MED15: variants seen among roughly 807,000 people sequenced by gnomAD.
MED15 encodes mediator of RNA polymerase II transcription subunit 15.
In MED15, 41 loss-of-function variants were observed where a neutral mutation model predicts 118.7. The ratio of observed to expected loss-of-function variants is 0.35; its 90% CI spans 0.27 to 0.45. The LOEUF (loss-of-function observed/expected upper bound fraction) is 0.45. Ranked by LOEUF, MED15 falls within the 20% of genes least tolerant of loss-of-function variation. The probability of loss-of-function intolerance (pLI) is 1.00; values close to 1 mark genes in which losing one functional copy is unlikely to be tolerated. For synonymous variants in MED15, 436 were observed against 413.9 expected, an observed-to-expected ratio of 1.05 and a Z score of -0.65; for missense variants, 740 against 1,025.5, an observed-to-expected ratio of 0.72 and a Z score of 3.80.
intron 1 of MED15, among the ~76,000 whole-genome samples, chr22:20,516,670 C>A (rs1019572733): frequency 6.7e-6 from 1 of 149,154 alleles, no homozygotes; most frequent in Non-Finnish European, 1.5e-5. Context: ...GTAGGAAGGA[C>A]CATGACCACG....
At chr22:20,564,801 C>T in intron 6 of MED15, 113 bp downstream of exon 6, 3 of 1,522,984 alleles carry the variant, frequency 2.0e-6, no homozygotes, top group Non-Finnish European at 1.8e-6. Flanking sequence ...GTTCTCTTGA[C>T]ACGTGTGCCT....
chr22:20,585,241 G>A lies in MED15; in HGVS notation c.2105G>A (p.Gly702Asp), dbSNP rs751255731. The A allele has an allele frequency of 1.2e-6, 2 of 1,613,508 alleles. No individual in the cohort carries two copies. Among genetic ancestry groups the A allele is most frequent in the African/African-American group, 1.3e-5 (1 of 74,920 alleles). The change falls in exon 16 of 18, where the codon GGC becomes GAC. Residue 702 changes from glycine to aspartate, a missense_variant. By Grantham distance (94) the Gly-to-Asp change is moderately conservative. Around this residue, in one of 7 missense-constraint regions of MED15, gnomAD observed 179 missense variants for 259.0 expected, o/e 0.69. Coordinates refer to ENST00000263205, the MANE Select transcript of MED15 (RefSeq NM_001003891.3). ...NLDPSHCSNNGTVHLICKLDD... is the reference protein window; with the variant it reads ...NLDPSHCSNNDTVHLICKLDD... ...GACCCTTCTCACTGCAGCAACAATG[G>A]CACTGTCCACCTGATCTGCAAGCTG...
chr22:20,543,629 C>T (rs2055409901), intron 2 of MED15, among the ~76,000 whole-genome samples: 3 of 150,940 alleles, frequency 2.0e-5, no homozygotes, highest in African/African-American at 7.3e-5. Context: ...GCGATCTCGG[C>T]TCATTGCAAC....
At chr22:20,550,951 G>C in intron 2 of MED15, 2 of 355,376 alleles carry the variant, frequency 5.6e-6, no homozygotes, top group Non-Finnish European at 1.1e-5. Flanking sequence ...GGGCCGCCCA[G>C]ATTTTCAGCA....
At chr22:20,559,615 G>A (rs1441612505) in intron 5 of MED15, among the ~76,000 whole-genome samples, 1 of 152,204 alleles carries the variant, frequency 6.6e-6, no homozygotes, top group Non-Finnish European at 1.5e-5. Context: ...CTTAGAAATA[G>A]GCAGTTCCTG....
At chr22:20,521,449 T>A (rs1035387969) in intron 1 of MED15, among the ~76,000 whole-genome samples, 12 of 150,006 alleles carry the variant, frequency 8.0e-5, no homozygotes, top group Non-Finnish European at 1.6e-4. Flanking sequence ...TAGGCTGGAG[T>A]ACAGTGGCGT....
intron 2 of MED15, among the ~76,000 whole-genome samples, chr22:20,537,996 A>C (rs2055146356): frequency 6.6e-6 from 1 of 152,224 alleles, no homozygotes. Flanking sequence ...ACGTTTGATA[A>C]GCTTTTTCTT....
chr22:20,577,123 C>A (rs2056845884), intron 9 of MED15, among the ~76,000 whole-genome samples: 1 of 152,180 alleles, frequency 6.6e-6, no homozygotes, highest in Admixed American at 6.5e-5. Flanking sequence ...AAGAGTGCCC[C>A]CAGGGAGCCA....
Position 20,575,192 on chromosome 22 carries a change from C to T in MED15, c.1232C>T (p.Pro411Leu), listed in dbSNP as rs887685998. The part of the protein sequence containing the change: ...FPPTTAVSAI[P>L]SSSIPLGRQP... Reference sequence around the variant, plus strand: ...CCTACCACCGCTGTGTCCGCCATCCCGTCAAGCTCCATCCCTTTGGGCAGA... The same window carrying T: ...CCTACCACCGCTGTGTCCGCCATCCTGTCAAGCTCCATCCCTTTGGGCAGA... The change falls in exon 9 of 18, where the codon CCG becomes CTG. Residue 411 changes from proline (P) to leucine (L), a missense_variant. By Grantham distance (98) the Pro-to-Leu change is moderately conservative (BLOSUM62 -3). Coordinates refer to ENST00000263205, the MANE Select transcript of MED15 (RefSeq NM_001003891.3). 9.3e-6 allele frequency: 15 copies of T among 1,614,014 alleles called. No individual in the cohort carries two copies. The highest frequency in any genetic ancestry group is 3.3e-5 in the Admixed American group (2 of 60,014).
intron 1 of MED15, chr22:20,508,362 A>G: frequency 3.1e-6 from 4 of 1,304,262 alleles, no homozygotes; most frequent in South Asian, 1.2e-5. Context: ...GAGGAACTCT[A>G]GCCCCTCACC....
intron 6 of MED15, among the ~76,000 whole-genome samples, chr22:20,565,869 C>A (rs2056417665): frequency 1.3e-5 from 2 of 151,838 alleles, no homozygotes; most frequent in Admixed American, 1.3e-4. Flanking sequence ...GCCCTTTGAA[C>A]CATCCTAGTG....
intron 1 of MED15, among the ~76,000 whole-genome samples, chr22:20,534,598 G>A (rs778173019): frequency 6.6e-6 from 1 of 152,146 alleles, no homozygotes; most frequent in Non-Finnish European, 1.5e-5. Flanking sequence ...TGCCTTGAGG[G>A]GCACAGATGA....
At chr22:20,550,493 C>T (rs892585175) in intron 2 of MED15, among the ~76,000 whole-genome samples, 1 of 152,268 alleles carries the variant, frequency 6.6e-6, no homozygotes, top group Admixed American at 6.5e-5. Context: ...CACTTTTCAT[C>T]ATCCTTCCCT....
intron 1 of MED15, among the ~76,000 whole-genome samples, chr22:20,524,942 G>T (rs1024263491): frequency 6.6e-6 from 1 of 152,066 alleles, no homozygotes; most frequent in Non-Finnish European, 1.5e-5. Context: ...CGCTCCTGGG[G>T]GTCCAAATTG....
In MED15 at chr22:20,540,100, G is replaced by T. The variant is rs376577375; in HGVS notation, c.156+2896G>T. On this transcript the variant is annotated intron_variant, in intron 2 of 17. Coordinates refer to ENST00000263205, the MANE Select transcript of MED15 (RefSeq NM_001003891.3). The stretch of plus-strand genomic sequence containing the variant: ...GTGCAGTGGAAGTGGAGGGATGCAG[G>T]GGGTGTTAGTGATGCATTGTAATCA... Among the ~76,000 whole-genome samples, 12 of 152,106 alleles carry T rather than the reference G, an allele frequency of 7.9e-5. No individual in the cohort carries two copies. The South Asian group carries it at 2.5e-3, about 32-fold the overall frequency.
At chr22:20,582,785 T>C (rs752013431) in intron 10 of MED15, 38 bp downstream of exon 10, 2 of 1,581,860 alleles carry the variant, frequency 1.3e-6, no homozygotes, top group East Asian at 2.3e-5. Context: ...CACCTGGCCC[T>C]CGAGGCTGGC....
Position 20,546,714 on chromosome 22 carries a change from C to T in MED15, c.157-4722C>T, listed in dbSNP as rs192611582. 3.9e-4 allele frequency among the ~76,000 whole-genome samples: 59 copies of T among 152,108 alleles called. 1 individual carries two copies. Among genetic ancestry groups the T allele is most frequent in the Middle Eastern group, 3.4e-3 (1 of 294 alleles). Reference sequence around the variant, plus strand: ...GTATCTGGGGTGTTCTGGTCCATTGCTGTCATTCATTTTGATGCTTAGATG... The same window carrying T: ...GTATCTGGGGTGTTCTGGTCCATTGTTGTCATTCATTTTGATGCTTAGATG... On this transcript the variant is annotated intron_variant, in intron 2 of 17. Coordinates refer to ENST00000263205, the MANE Select transcript of MED15 (RefSeq NM_001003891.3).
At chr22:20,553,810 G>T (rs1470206318) in intron 4 of MED15, among the ~76,000 whole-genome samples, 1 of 152,210 alleles carries the variant, frequency 6.6e-6, no homozygotes, top group African/African-American at 2.4e-5. Context: ...GGCTGAGGTT[G>T]CAGTGAGTTG....
At chr22:20,584,520 G>C in intron 14 of MED15, 95 bp downstream of exon 14, 1 of 1,417,872 alleles carries the variant, frequency 7.1e-7, no homozygotes, top group Non-Finnish European at 9.9e-7. Context: ...AGGGCATCTG[G>C]GCGGGGGCCG....
Sources: allele counts gnomAD v4.1 joint callset (sites outside exome capture counted in the v4.1 genomes callset), GRCh38; gene constraint gnomAD v4.1.1; regional missense constraint gnomAD v4.1.1; transcripts MANE v1.5; gene names NCBI Gene and HGNC (gene_info 2026-07-23, HGNC 2026-07-21).